Variants in PLCB1 observed in about 807,000 individuals in gnomAD.
The protein encoded by PLCB1 is phospholipase C beta 1.
A neutral mutation model predicts 161.8 loss-of-function variants in PLCB1; 46 were observed. The observed-to-expected ratio is 0.28, with a 90% CI of 0.22 to 0.36. PLCB1 has a LOEUF of 0.36. Ranked by LOEUF, PLCB1 falls within the 10% of genes least tolerant of loss-of-function variation. The pLI, the probability that PLCB1 is intolerant of heterozygous loss-of-function variation, is 1.00. For missense variants in PLCB1, 1,016 were observed against 1,472.5 expected, an observed-to-expected ratio of 0.69 and a Z score of 5.07; for synonymous variants, 517 against 503.7, an observed-to-expected ratio of 1.03 and a Z score of -0.35.
At chr20:8,277,354 T>C (rs1297327952) in intron 2 of PLCB1, among the ~76,000 whole-genome samples, 2 of 152,098 alleles carry the variant, frequency 1.3e-5, no homozygotes, top group African/African-American at 2.4e-5. Context: ...TGAATAGTTA[T>C]TGTACTTGAT....
intron 2 of PLCB1, among the ~76,000 whole-genome samples, chr20:8,161,742 A>G (rs1366413392): frequency 3.3e-5 from 5 of 151,940 alleles, no homozygotes; most frequent in Non-Finnish European, 7.4e-5. Context: ...GTCTCCAGAG[A>G]ATCTGACTTA....
intron 2 of PLCB1, among the ~76,000 whole-genome samples, chr20:8,172,958 AT>A (rs1326816254): frequency 2.0e-5 from 3 of 152,296 alleles, no homozygotes; most frequent in Non-Finnish European, 2.9e-5. Context: ...CCTTCTTTTC[AT>A]GGAGTCCATC....
At chr20:8,255,263 A>G (rs1248004100) in intron 2 of PLCB1, among the ~76,000 whole-genome samples, 1 of 152,122 alleles carries the variant, frequency 6.6e-6, no homozygotes, top group Non-Finnish European at 1.5e-5. Flanking sequence ...GAAAATAGTA[A>G]TATCAGAGGT....
intron 3 of PLCB1, among the ~76,000 whole-genome samples, chr20:8,391,811 A>ATGTGTGTGTG: frequency 7.0e-6 from 1 of 142,816 alleles, no homozygotes; most frequent in African/African-American, 2.5e-5. Flanking sequence ...ATATATATAT[A>ATGTGTGTGTG]TATATATATA....
At chr20:8,605,376 C>G (rs1987725459) in intron 3 of PLCB1, among the ~76,000 whole-genome samples, 1 of 151,904 alleles carries the variant, frequency 6.6e-6, no homozygotes, top group African/African-American at 2.4e-5. Flanking sequence ...AGACGTAGTT[C>G]ACTTGATTAA....
intron 31 of PLCB1, among the ~76,000 whole-genome samples, chr20:8,852,601 C>G (rs1600095664): frequency 6.6e-6 from 1 of 152,252 alleles, no homozygotes; most frequent in East Asian, 1.9e-4. Flanking sequence ...AAGGGGCACA[C>G]AGTGAATAAG....
At position 8,426,442 on chromosome 20, in the gene PLCB1, A is replaced by T. The variant is rs145920876; in HGVS notation, c.246+54992A>T. Reference sequence around the variant, plus strand: ...GTGCGTGCACCTGCTCAGACCACAAAATTGAAGCTCAGAATGGAAAACAGA... The same window carrying T: ...GTGCGTGCACCTGCTCAGACCACAATATTGAAGCTCAGAATGGAAAACAGA... On this transcript the variant is annotated intron_variant, in intron 3 of 31. Transcript: ENST00000338037. Among the ~76,000 whole-genome samples, 486 of 152,332 alleles carry T rather than the reference A, an allele frequency of 3.2e-3. 3 individuals carry two copies. The highest frequency in any genetic ancestry group is 0.011 in the African/African-American group (458 of 41,566).
chr20:8,186,426 T>C (rs2051907101), intron 2 of PLCB1, among the ~76,000 whole-genome samples: 1 of 152,212 alleles, frequency 6.6e-6, no homozygotes, highest in South Asian at 2.1e-4. Flanking sequence ...TTGTTTAGGT[T>C]ATGAATTGTG....
chr20:8,846,996 A>C (rs984868609), intron 31 of PLCB1, among the ~76,000 whole-genome samples: 6 of 152,194 alleles, frequency 3.9e-5, no homozygotes, highest in African/African-American at 1.4e-4. Flanking sequence ...TAAATATTGG[A>C]ATCAGAGGAG....
chr20:8,289,663 G>C (rs889484986), intron 2 of PLCB1, among the ~76,000 whole-genome samples: 2 of 152,174 alleles, frequency 1.3e-5, no homozygotes, highest in Middle Eastern at 3.2e-3. Context: ...GAAGTTATAA[G>C]TCAGGTTGAC....
intron 3 of PLCB1, among the ~76,000 whole-genome samples, chr20:8,534,319 G>T (rs528440681): frequency 6.6e-6 from 1 of 152,152 alleles, no homozygotes; most frequent in African/African-American, 2.4e-5. Flanking sequence ...TGGACTTACA[G>T]GCAGGAGCCA....
intron 1 of PLCB1, among the ~76,000 whole-genome samples, chr20:8,141,434 G>A (rs1409735227): frequency 1.3e-5 from 2 of 152,008 alleles, no homozygotes; most frequent in Non-Finnish European, 2.9e-5. Context: ...GACCAGCCTG[G>A]CCAATATGAT....
chr20:8,195,520 C>A (rs2052012820), intron 2 of PLCB1, among the ~76,000 whole-genome samples: 1 of 152,044 alleles, frequency 6.6e-6, no homozygotes, highest in African/African-American at 2.4e-5. Flanking sequence ...CATCCAACTT[C>A]CCCTAACATC....
intron 2 of PLCB1, among the ~76,000 whole-genome samples, chr20:8,186,306 T>A (rs1377072875): frequency 6.6e-6 from 1 of 152,228 alleles, no homozygotes; most frequent in African/African-American, 2.4e-5. Flanking sequence ...TTTATACATT[T>A]TTCCTGAGTG....
chr20:8,774,431 T>C (rs946968113), intron 26 of PLCB1, 108 bp from the exon 27 acceptor site: 9 of 1,104,060 alleles, frequency 8.2e-6, no homozygotes, highest in Admixed American at 2.2e-5. Context: ...TATGAAAATA[T>C]GTATTTCCAA....
intron 3 of PLCB1, among the ~76,000 whole-genome samples, chr20:8,396,940 T>C (rs1177164196): frequency 2.0e-5 from 3 of 152,062 alleles, no homozygotes; most frequent in Non-Finnish European, 2.9e-5. Flanking sequence ...TGTTTTATTT[T>C]TGCTATTATA....
chr20:8,441,864 T>C (rs879433851), intron 3 of PLCB1, among the ~76,000 whole-genome samples: 1 of 152,192 alleles, frequency 6.6e-6, no homozygotes, highest in Non-Finnish European at 1.5e-5. Context: ...TAAGCAGCAA[T>C]AAAGCACCTT....
chr20:8,658,828 G>A lies in PLCB1; in HGVS notation c.862+124G>A, dbSNP rs899388962. 3.1e-5 allele frequency: 23 copies of A among 739,796 alleles called. No homozygotes were observed. In the South Asian group the frequency reaches 3.9e-4, roughly 12 times the overall value. The allele number at this position is 739,796 out of a possible 1,614,324, so 45.8% of individuals were successfully genotyped here. On this transcript the variant is annotated intron_variant, in intron 9 of 31. Coordinates refer to ENST00000338037, the MANE Select transcript of PLCB1 (RefSeq NM_015192.4). ...CCTCTGTTTACAAGGCATTCCTTTC[G>A]GTCTGAAATCACTTGGTGGTTCAGT... is the stretch of plus-strand genomic sequence containing the variant.
intron 9 of PLCB1, among the ~76,000 whole-genome samples, chr20:8,679,194 T>C (rs1600245336): frequency 6.6e-6 from 1 of 152,144 alleles, no homozygotes. Flanking sequence ...TGGAGAAATA[T>C]GAACTGAAAA....
Sources: gnomAD v4.1 joint callset for allele counts (sites outside exome capture counted in the v4.1 genomes callset) on GRCh38, gnomAD v4.1.1 for gene constraint, MANE v1.5 for transcripts, NCBI Gene and HGNC (gene_info 2026-07-23, HGNC 2026-07-21) for gene names.